SPATA16: variants seen among roughly 807,000 people sequenced by gnomAD.
The protein encoded by SPATA16 is spermatogenesis-associated protein 16.
In SPATA16, 36 loss-of-function variants were observed where a neutral mutation model predicts 63.3. The observed-to-expected ratio is 0.57, with a 90% CI of 0.44 to 0.75. The LOEUF (loss-of-function observed/expected upper bound fraction) is 0.75. Among genes scored for constraint, SPATA16 ranks in the 30% least tolerant of loss-of-function variants. The probability of loss-of-function intolerance (pLI) is 0.00; values close to 1 mark genes in which losing one functional copy is unlikely to be tolerated. For synonymous variants in SPATA16, 203 were observed against 216.7 expected (o/e 0.94, Z 0.56); for missense variants, 646 against 679.3 (o/e 0.95, Z 0.54).
chr3:172,988,934 G>C (rs762523202), intron 4 of SPATA16, among the ~76,000 whole-genome samples: 1 of 152,202 alleles, frequency 6.6e-6, no homozygotes, highest in Admixed American at 6.5e-5. Flanking sequence ...TCTTCCAAGA[G>C]AGTGGAGAGC....
At chr3:173,015,028 G>T (rs1735149224) in intron 4 of SPATA16, among the ~76,000 whole-genome samples, 1 of 151,000 alleles carries the variant, frequency 6.6e-6, no homozygotes, top group South Asian at 2.1e-4. Context: ...GCCCATGCAT[G>T]TAGAAATACA....
intron 4 of SPATA16, among the ~76,000 whole-genome samples, chr3:172,996,532 GA>G (rs1423567142): frequency 1.3e-5 from 2 of 151,876 alleles, no homozygotes; most frequent in Non-Finnish European, 2.9e-5. Context: ...AAATTGAGTG[GA>G]AAGTACAGAG....
intron 10 of SPATA16, among the ~76,000 whole-genome samples, chr3:172,906,833 C>T (rs143284504): frequency 0.097 from 14,708 of 152,054 alleles, 814 homozygotes; most frequent in African/African-American, 0.14. Context: ...CCTCCGCTTC[C>T]GGGGTTCAAG....
chr3:172,897,856 AT>A (rs2109543723), intron 10 of SPATA16, among the ~76,000 whole-genome samples: 1 of 152,164 alleles, frequency 6.6e-6, no homozygotes, highest in Non-Finnish European at 1.5e-5. Flanking sequence ...GAAAGATTTT[AT>A]TCTTTCACTA....
intron 10 of SPATA16, among the ~76,000 whole-genome samples, chr3:172,893,016 G>A (rs866499062): frequency 6.6e-6 from 1 of 152,142 alleles, no homozygotes; most frequent in Non-Finnish European, 1.5e-5. Flanking sequence ...TCAGTAGGAG[G>A]GCAGGTTCTG....
intron 2 of SPATA16, among the ~76,000 whole-genome samples, chr3:173,115,472 T>C (rs77429316): frequency 0.1 from 15,471 of 152,266 alleles, 1,071 homozygotes; most frequent in East Asian, 0.32. Flanking sequence ...TGCAGAGCTT[T>C]AGCTCAAAAG....
At chr3:172,998,981 T>C (rs1225493353) in intron 4 of SPATA16, among the ~76,000 whole-genome samples, 1 of 152,186 alleles carries the variant, frequency 6.6e-6, no homozygotes, top group Non-Finnish European at 1.5e-5. Flanking sequence ...TCATAAGAGA[T>C]ACTGGTAGGC....
intron 3 of SPATA16, among the ~76,000 whole-genome samples, chr3:173,046,666 G>A (rs1237132696): frequency 1.3e-5 from 2 of 152,016 alleles, no homozygotes; most frequent in African/African-American, 4.8e-5. Flanking sequence ...TACAAAAGCA[G>A]AATTCTGCAT....
intron 2 of SPATA16, among the ~76,000 whole-genome samples, chr3:173,090,485 T>A (rs1448748626): frequency 6.6e-6 from 1 of 152,222 alleles, no homozygotes; most frequent in Non-Finnish European, 1.5e-5. Flanking sequence ...CTTACATTTA[T>A]GAGTTTGGCG....
chr3:172,894,082 T>C (rs554254489), intron 10 of SPATA16, among the ~76,000 whole-genome samples: 1 of 152,310 alleles, frequency 6.6e-6, no homozygotes, highest in Non-Finnish European at 1.5e-5. Flanking sequence ...TTTCAGTGAT[T>C]AGCAGTTTGG....
chr3:173,134,611 C>T (rs749834437), intron 1 of SPATA16, among the ~76,000 whole-genome samples: 3 of 152,176 alleles, frequency 2.0e-5, no homozygotes, highest in Non-Finnish European at 2.9e-5. Context: ...GAGTTCCTCA[C>T]CAGAAACAGC....
At chr3:172,948,730 G>A (rs1733357339) in intron 6 of SPATA16, among the ~76,000 whole-genome samples, 1 of 152,118 alleles carries the variant, frequency 6.6e-6, no homozygotes, top group African/African-American at 2.4e-5. Flanking sequence ...GGCTTCCAAA[G>A]TGTTGGGATT....
chr3:173,024,786 T>G (rs1735414744), intron 3 of SPATA16, among the ~76,000 whole-genome samples: 1 of 150,796 alleles, frequency 6.6e-6, no homozygotes, highest in African/African-American at 2.4e-5. Flanking sequence ...TCATTTGTTT[T>G]TATACTTATT....
chr3:173,018,694 TTTATCC>T (rs1161748013), intron 4 of SPATA16, among the ~76,000 whole-genome samples: 1 of 152,190 alleles, frequency 6.6e-6, no homozygotes, highest in Admixed American at 6.5e-5. Flanking sequence ...TTCCTGCAGA[TTTATCC>T]TTAGAAGTTG....
chr3:173,125,485 T>C (rs994580773), intron 1 of SPATA16, among the ~76,000 whole-genome samples: 1 of 152,190 alleles, frequency 6.6e-6, no homozygotes, highest in African/African-American at 2.4e-5. Context: ...ACTCCTCACA[T>C]ATCTTTCCCC....
intron 4 of SPATA16, among the ~76,000 whole-genome samples, chr3:172,995,275 G>C (rs1734670562): frequency 6.6e-6 from 1 of 151,824 alleles, no homozygotes; most frequent in Non-Finnish European, 1.5e-5. Context: ...AGAGAGAGTT[G>C]ATTCCTATAA....
Position 172,889,451 on chromosome 3 carries a change from C to G in SPATA16, c.*119G>C. The G allele has an allele frequency of 7.0e-7, 1 of 1,431,578 alleles. No individual in the cohort carries two copies. Among genetic ancestry groups the G allele is most frequent in the Non-Finnish European group, 9.8e-7 (1 of 1,025,028 alleles). The allele number at this position is 1,431,578 out of a possible 1,614,324, so 88.7% of individuals were successfully genotyped here. ...AAAGATGAACTGAGGGGAATACCAC[C>G]TCTTTCTTTTGGTGACAAGCTTTTG... On this transcript the variant is annotated 3_prime_UTR_variant, in exon 11 of 11. Transcript: ENST00000351008.
chr3:173,059,832 C>CTTTT (rs201000096), intron 2 of SPATA16, among the ~76,000 whole-genome samples: 58 of 71,338 alleles, frequency 8.1e-4, no homozygotes, highest in African/African-American at 1.1e-3. Context: ...CATTTGGTAG[C>CTTTT]TTTTTTTTTT....
intron 1 of SPATA16, among the ~76,000 whole-genome samples, chr3:173,122,619 A>C (rs1000288646): frequency 2.6e-5 from 4 of 152,220 alleles, no homozygotes; most frequent in Admixed American, 6.5e-5. Flanking sequence ...AATGTTTTAA[A>C]AAACACACTA....
Sources: allele counts gnomAD v4.1 joint callset (sites outside exome capture counted in the v4.1 genomes callset), GRCh38; gene constraint gnomAD v4.1.1; transcripts MANE v1.5; gene names NCBI Gene and HGNC (gene_info 2026-07-23, HGNC 2026-07-21).